DST: variants seen among roughly 807,000 people sequenced by gnomAD.
The protein encoded by DST is dystonin, also known as bullous pemphigoid antigen.
DST carries 253 observed loss-of-function variants against 875.2 expected under a neutral mutation model. That is an observed-to-expected ratio of 0.29 (90% CI 0.26 to 0.32). DST has a LOEUF of 0.32. Among genes scored for constraint, DST ranks in the 10% least tolerant of loss-of-function variants. The pLI is 1.00. For missense variants in DST, 8,287 were observed against 9,111.6 expected (o/e 0.91, Z 3.68); for synonymous variants, 3,124 against 3,197.1 (o/e 0.98, Z 0.77).
chr6:56,531,192 A>C (rs1434243102), intron 64 of DST, among the ~76,000 whole-genome samples: 1 of 152,218 alleles, frequency 6.6e-6, no homozygotes, highest in East Asian at 1.9e-4. Context: ...ATCTAAAATC[A>C]GTGGAAATAA....
At chr6:56,785,191 G>A (rs1044823594) in intron 4 of DST, among the ~76,000 whole-genome samples, 1 of 152,224 alleles carries the variant, frequency 6.6e-6, no homozygotes, top group Non-Finnish European at 1.5e-5. Context: ...GAGGCAGTCT[G>A]CCCATTATCA....
At chr6:56,824,015 G>T (rs990339337) in intron 4 of DST, among the ~76,000 whole-genome samples, 2 of 150,960 alleles carry the variant, frequency 1.3e-5, no homozygotes, top group African/African-American at 4.9e-5. Flanking sequence ...CTCTCCCCAC[G>T]GTCTCCCTCT....
intron 4 of DST, among the ~76,000 whole-genome samples, chr6:56,750,363 C>T (rs2099583685): frequency 6.6e-6 from 1 of 152,152 alleles, no homozygotes; most frequent in Admixed American, 6.5e-5. Context: ...CATACCTTAA[C>T]TTTATAGTGA....
intron 57 of DST, 134 bp from the exon 58 acceptor site, chr6:56,560,557 C>T (rs2097522749): frequency 7.4e-6 from 7 of 939,718 alleles, no homozygotes; most frequent in Non-Finnish European, 6.1e-6. Flanking sequence ...TGGGTGAGGG[C>T]CTGGATTTTG....
chr6:56,740,987 T>C (rs1000942857), intron 4 of DST, among the ~76,000 whole-genome samples: 2 of 152,124 alleles, frequency 1.3e-5, no homozygotes, highest in Non-Finnish European at 2.9e-5. Flanking sequence ...ATCTATTATG[T>C]GTATTATATA....
At chr6:56,866,985 A>G (rs1774450513) in intron 3 of DST, among the ~76,000 whole-genome samples, 1 of 152,184 alleles carries the variant, frequency 6.6e-6, no homozygotes, top group Non-Finnish European at 1.5e-5. Context: ...CGCCTGCAAT[A>G]CTTGCCCTGA....
intron 77 of DST, 25 bp downstream of exon 77, chr6:56,506,418 A>G (rs759769312): frequency 6.3e-7 from 1 of 1,575,118 alleles, no homozygotes; most frequent in Non-Finnish European, 8.7e-7. Context: ...AGCTAAGACC[A>G]GCACATACAC....
chr6:56,916,747 C>CTA (rs1801147239), intron 2 of DST, among the ~76,000 whole-genome samples: 2 of 134,502 alleles, frequency 1.5e-5, no homozygotes, highest in African/African-American at 6.1e-5. Flanking sequence ...TCTTCTCTCT[C>CTA]TCTCTATCTC....
intron 4 of DST, among the ~76,000 whole-genome samples, chr6:56,842,052 T>C (rs1205434366): frequency 2.0e-5 from 3 of 151,982 alleles, no homozygotes; most frequent in Non-Finnish European, 2.9e-5. Context: ...TTTGGGCTTT[T>C]TGGGGCTTTG....
chr6:56,584,242 A>T (rs1370863562), intron 49 of DST, among the ~76,000 whole-genome samples: 1 of 151,802 alleles, frequency 6.6e-6, no homozygotes, highest in Non-Finnish European at 1.5e-5. Context: ...ATGTTCTTCC[A>T]TTTGTTTGTA....
In DST at chr6:56,511,238, G is replaced by A. The variant is rs372915322; in HGVS notation, c.18739C>T (p.Arg6247Cys). ...ATGGCTTCATCCAGTGCCACAGCAC[G>A]CTTTTTGACATCTTCTTTAATTTGA... is the stretch of plus-strand genomic sequence containing the variant. ...YSQIKEDVKK[R>C]AVALDEAISQ... The change falls in exon 73 of 104, where the codon CGT becomes TGT. Residue 6247 changes from arginine to cysteine, a missense_variant. Transcript: ENST00000680361. 10 of 1,592,842 alleles carry A rather than the reference G, an allele frequency of 6.3e-6. No homozygotes were observed. Among genetic ancestry groups the A allele is most frequent in the African/African-American group, 4.0e-5 (3 of 74,650 alleles).
At chr6:56,784,879 G>A (rs1336935523) in intron 4 of DST, among the ~76,000 whole-genome samples, 1 of 152,126 alleles carries the variant, frequency 6.6e-6, no homozygotes, top group Admixed American at 6.5e-5. Context: ...GGTCTTTGAT[G>A]ATGGTGATGT....
chr6:56,656,101 A>T (rs1465963817), intron 10 of DST, among the ~76,000 whole-genome samples: 1 of 152,214 alleles, frequency 6.6e-6, no homozygotes, highest in Non-Finnish European at 1.5e-5. Context: ...TTTTCTTTTC[A>T]CTAATTTCTA....
Position 56,497,863 on chromosome 6 carries a change from A to C in DST, c.20087T>G (p.Leu6696Trp). ...ATTTATTCTCTTACTCACCTGGCGC[A>C]AGGCACCATCCAGCTGCTGCTTCCT... is the stretch of plus-strand genomic sequence containing the variant. ...EQRKQQLDGA[L>W]RQAKGFHGEI... The change falls in exon 81 of 104, where the codon TTG (leucine) becomes TGG (tryptophan). Residue 6696 changes from leucine (L) to tryptophan (W), a missense_variant. Coordinates refer to ENST00000680361, the MANE Select transcript of DST (RefSeq NM_001374736.1). 6.2e-7 allele frequency: 1 copy of C among 1,606,916 alleles called. No individual in the cohort carries two copies. Among genetic ancestry groups the C allele is most frequent in the Non-Finnish European group, 8.5e-7 (1 of 1,176,178 alleles).
chr6:56,814,681 C>T (rs1440117002), intron 4 of DST, among the ~76,000 whole-genome samples: 1 of 152,088 alleles, frequency 6.6e-6, no homozygotes, highest in Non-Finnish European at 1.5e-5. Context: ...TAAAAGCAAA[C>T]CCTGAAAAAT....
rs2098777921 is a variant in DST at position 56,631,338 on chromosome 6, T to C, written c.4015A>G (p.Asn1339Asp). 5.6e-6 allele frequency: 9 copies of C among 1,613,940 alleles called. No individual in the cohort carries two copies. Among genetic ancestry groups the C allele is most frequent in the Non-Finnish European group, 7.6e-6 (9 of 1,179,998 alleles). Residue 1339 changes from asparagine to aspartate, a missense_variant, in exon 30 of 104, where the codon AAT (asparagine) becomes GAT (aspartate). Asn to Asp is a conservative substitution (Grantham distance 23). Around this residue, in one of 10 missense-constraint regions of DST, gnomAD observed 3,138 missense variants for 3,116.6 expected, o/e 1.01. Transcript: ENST00000680361. The stretch of plus-strand genomic sequence containing the variant: ...TGACTGAAAAACTCCTCACACTTAT[T>C]TGTGATTGTTCCCAAATCATCTTTA... Reference protein sequence around the residue: ...RLKDDLGTITNKCEEFFSQAA... With the variant: ...RLKDDLGTITDKCEEFFSQAA...
Position 56,605,461 on chromosome 6 carries a change from C to T in DST, c.9167G>A (p.Gly3056Asp), listed in dbSNP as rs748314961. Residue 3056 changes from glycine to aspartate, a missense_variant, in exon 40 of 104, where the codon GGT (glycine) becomes GAT (aspartate). Coordinates refer to ENST00000680361, the MANE Select transcript of DST (RefSeq NM_001374736.1). ...DETSIQKMYL[G>D]EGEVLVEGLV... is the part of the protein sequence containing the mutation. Reference sequence around the variant, plus strand: ...ACCTTCTACAAGCACTTCTCCTTCACCCAAGTACATTTTCTGAATTGATGT... The same window carrying T: ...ACCTTCTACAAGCACTTCTCCTTCATCCAAGTACATTTTCTGAATTGATGT... 30 of 1,612,848 alleles carry T rather than the reference C, an allele frequency of 1.9e-5. No individual in the cohort carries two copies. The highest frequency in any genetic ancestry group is 2.5e-5 in the Non-Finnish European group (30 of 1,179,288).
chr6:56,851,882 C>T (rs1001820877), intron 3 of DST: 4 of 1,550,098 alleles, frequency 2.6e-6, no homozygotes, highest in Non-Finnish European at 3.5e-6. Context: ...GGCCTGTGGT[C>T]CGGCCACCAG....
chr6:56,687,335 T>A (rs926738661), intron 9 of DST, among the ~76,000 whole-genome samples: 2 of 152,212 alleles, frequency 1.3e-5, no homozygotes, highest in African/African-American at 2.4e-5. Context: ...TCCTACCTGA[T>A]GAGTTTCATT....
Sources: gnomAD v4.1 joint callset for allele counts (sites outside exome capture counted in the v4.1 genomes callset) on GRCh38, gnomAD v4.1.1 for gene constraint, gnomAD v4.1.1 regional missense constraint, MANE v1.5 for transcripts, NCBI Gene and HGNC (gene_info 2026-07-23, HGNC 2026-07-21) for gene names.